GSTCD: variants seen among roughly 807,000 people sequenced by gnomAD.
The protein encoded by GSTCD is glutathione S-transferase C-terminal domain-containing protein.
GSTCD carries 44 observed loss-of-function variants against 68.3 expected under a neutral mutation model. That is an observed-to-expected ratio of 0.64 (90% CI 0.51 to 0.83). GSTCD has a LOEUF of 0.83. GSTCD is among the 40% of genes least tolerant of loss of function. The pLI is 0.00. For synonymous variants in GSTCD, 273 were observed against 255.2 expected, an observed-to-expected ratio of 1.07 and a Z score of -0.67; for missense variants, 739 against 735.9, an observed-to-expected ratio of 1.00 and a Z score of -0.05.
At position 105,758,105 on chromosome 4, in the gene GSTCD, C is replaced by T. The variant is rs549939451; in HGVS notation, c.1240+28606C>T. 2.8e-4 allele frequency among the ~76,000 whole-genome samples: 42 copies of T among 152,252 alleles called. No individual in the cohort carries two copies. In the South Asian group the frequency reaches 6.2e-3, roughly 23 times the overall value. On this transcript the variant is annotated intron_variant, in intron 5 of 11. Coordinates refer to ENST00000515279, the MANE Select transcript of GSTCD (RefSeq NM_001370181.1). ...AATTTGAAACATAATACAAGTACCC[C>T]TAATATAACCGCTGATTTTTAATGG...
chr4:105,732,931 C>T (rs1733306119), intron 5 of GSTCD, among the ~76,000 whole-genome samples: 1 of 152,110 alleles, frequency 6.6e-6, no homozygotes, highest in South Asian at 2.1e-4. Context: ...TTTATTCTGC[C>T]TTCATTTCGT....
intron 5 of GSTCD, among the ~76,000 whole-genome samples, chr4:105,768,976 A>G (rs1044393940): frequency 1.3e-5 from 2 of 152,004 alleles, no homozygotes; most frequent in African/African-American, 2.4e-5. Flanking sequence ...TTTATAGAAT[A>G]TAGAATATAT....
chr4:105,829,799 T>A (rs1286108965), intron 8 of GSTCD, among the ~76,000 whole-genome samples: 1 of 151,638 alleles, frequency 6.6e-6, no homozygotes, highest in African/African-American at 2.4e-5. Flanking sequence ...AAGAAGATAA[T>A]ACATTAGTGA....
rs1413681172 is a variant in GSTCD, at chr4:105,797,752, C to A, written c.1241-25202C>A. Among the ~76,000 whole-genome samples, 2 of 141,264 alleles carry A rather than the reference C, an allele frequency of 1.4e-5. 1 individual carries two copies. The highest frequency in any genetic ancestry group is 1.4e-4 in the Admixed American group (2 of 13,938). The allele number at this position is 141,264 out of a possible 152,430, so 92.7% of individuals were successfully genotyped here. On this transcript the variant is annotated intron_variant, in intron 5 of 11. Coordinates refer to ENST00000515279, the MANE Select transcript of GSTCD (RefSeq NM_001370181.1). Reference sequence around the variant, plus strand: ...ATGCTGTTTGATAGCATTTTACACACAATAGAACTTTTTTTTTTTTTTTTT... The same window carrying A: ...ATGCTGTTTGATAGCATTTTACACAAAATAGAACTTTTTTTTTTTTTTTTT...
At chr4:105,845,322 G>T in intron 11 of GSTCD, 119 bp from the exon 12 acceptor site, 1 of 968,396 alleles carries the variant, frequency 1.0e-6, no homozygotes, top group Non-Finnish European at 1.5e-6. Flanking sequence ...AAGACTTAGG[G>T]GTACAAAGCA....
At position 105,802,859 on chromosome 4, in the gene GSTCD, C is replaced by T. The variant is rs540540215; in HGVS notation, c.1241-20095C>T. Among the ~76,000 whole-genome samples, 8 of 152,134 alleles carry T rather than the reference C, an allele frequency of 5.3e-5. No homozygotes were observed. In the East Asian group the frequency reaches 1.2e-3, roughly 22 times the overall value. ...AAAGATTGTCATATATCTGGGATCA[C>T]GTAGGATGTATCTGGAATCAGGAGT... On this transcript the variant is annotated intron_variant, in intron 5 of 11. Transcript: ENST00000515279.
At chr4:105,715,680 A>T (rs990581681) in intron 1 of GSTCD, among the ~76,000 whole-genome samples, 6 of 151,882 alleles carry the variant, frequency 4.0e-5, no homozygotes, top group East Asian at 1.9e-4. Flanking sequence ...AGATTTTTTT[A>T]AAAAAGGGAT....
In GSTCD at chr4:105,825,770, G is replaced by A. The variant is rs61736397; in HGVS notation, c.1500G>A (p.Met500Ile). 1,142 of 1,543,186 alleles carry A rather than the reference G, an allele frequency of 7.4e-4. 9 individuals carry two copies. The African/African-American group carries it at 0.014, about 19-fold the overall frequency. The change falls in exon 8 of 12, where the codon ATG becomes ATA. Residue 500 changes from methionine (M) to isoleucine (I), a missense_variant. Met to Ile is a conservative substitution (Grantham distance 10). Coordinates refer to ENST00000515279, the MANE Select transcript of GSTCD (RefSeq NM_001370181.1). ...ACATTTGGTTCATTCAAGCAAATAT[G>A]GAATATTTTACTGGGATGTTTAATA... is the stretch of plus-strand genomic sequence containing the variant. ...LSNIWFIQAN[M>I]EYFTGMFNIG...
At chr4:105,804,720 G>T (rs1287323117) in intron 5 of GSTCD, among the ~76,000 whole-genome samples, 2 of 152,064 alleles carry the variant, frequency 1.3e-5, no homozygotes, top group East Asian at 3.9e-4. Context: ...TGCCATGTTG[G>T]TTTGTGGCAC....
At chr4:105,725,783 G>T (rs1323579865) in intron 3 of GSTCD, among the ~76,000 whole-genome samples, 1 of 152,042 alleles carries the variant, frequency 6.6e-6, no homozygotes, top group Non-Finnish European at 1.5e-5. Context: ...CACATGAAAA[G>T]TTGCTCAACA....
chr4:105,735,902 A>G (rs557491900), intron 5 of GSTCD, among the ~76,000 whole-genome samples: 43 of 152,276 alleles, frequency 2.8e-4, no homozygotes, highest in Non-Finnish European at 4.3e-4. Flanking sequence ...AAATATCGAT[A>G]TCTTAAATAA....
intron 5 of GSTCD, among the ~76,000 whole-genome samples, chr4:105,820,757 T>TC (rs1234903403): frequency 6.6e-6 from 1 of 151,902 alleles, no homozygotes; most frequent in Non-Finnish European, 1.5e-5. Context: ...CTCTTTGCTT[T>TC]CAGCCTTCAT....
intron 5 of GSTCD, among the ~76,000 whole-genome samples, chr4:105,758,519 C>G (rs1480208857): frequency 1.3e-5 from 2 of 152,192 alleles, no homozygotes; most frequent in Non-Finnish European, 2.9e-5. Flanking sequence ...TGCCTGCTTC[C>G]CCTTTGCCTT....
chr4:105,732,433 T>C (rs1304372769), intron 5 of GSTCD, among the ~76,000 whole-genome samples: 1 of 152,212 alleles, frequency 6.6e-6, no homozygotes, highest in Non-Finnish European at 1.5e-5. Flanking sequence ...GGTGTATGTG[T>C]CCAGTAATTT....
intron 7 of GSTCD, among the ~76,000 whole-genome samples, chr4:105,823,973 T>C (rs972873393): frequency 6.6e-6 from 1 of 152,206 alleles, no homozygotes; most frequent in Non-Finnish European, 1.5e-5. Flanking sequence ...TTTGTGCTGA[T>C]TTTAGTCTTC....
chr4:105,732,872 G>T (rs1733303437), intron 5 of GSTCD, among the ~76,000 whole-genome samples: 1 of 152,212 alleles, frequency 6.6e-6, no homozygotes, highest in Non-Finnish European at 1.5e-5. Context: ...ATGTGTCCCA[G>T]AGATTCTGTT....
At chr4:105,761,072 C>T (rs1734392754) in intron 5 of GSTCD, 1 of 178,884 alleles carries the variant, frequency 5.6e-6, no homozygotes, top group South Asian at 5.4e-5. Flanking sequence ...GGTGTAGTCT[C>T]GGCTCACTGG....
chr4:105,747,358 T>G (rs1358111089), intron 5 of GSTCD, among the ~76,000 whole-genome samples: 1 of 152,222 alleles, frequency 6.6e-6, no homozygotes, highest in African/African-American at 2.4e-5. Context: ...TAAATCAGAT[T>G]GCAGGGCCCT....
chr4:105,777,336 C>T (rs933805731), intron 5 of GSTCD, among the ~76,000 whole-genome samples: 11 of 152,230 alleles, frequency 7.2e-5, no homozygotes, highest in East Asian at 5.8e-4. Context: ...AATTTTCTTA[C>T]GTAGAACATG....
Sources: allele counts gnomAD v4.1 joint callset (sites outside exome capture counted in the v4.1 genomes callset), GRCh38; gene constraint gnomAD v4.1.1; transcripts MANE v1.5; gene names NCBI Gene and HGNC (gene_info 2026-07-23, HGNC 2026-07-21).